Variants in HMGN5 observed in about 807,000 individuals in gnomAD.
HMGN5 encodes high mobility group nucleosome binding domain 5, also known as high mobility group nucleosome-binding domain-containing protein 5.
In HMGN5, 4 loss-of-function variants were observed where a neutral mutation model predicts 9.5. That is an observed-to-expected ratio of 0.42 (90% CI 0.21 to 0.96). The LOEUF (loss-of-function observed/expected upper bound fraction) is 0.96, where lower values mean the gene tolerates loss of function less well. Among genes scored for constraint, HMGN5 ranks in the 40% least tolerant of loss-of-function variants. HMGN5 has a pLI of 0.30. For synonymous variants in HMGN5, 55 were observed against 57.1 expected, an observed-to-expected ratio of 0.96 and a Z score of 0.16; for missense variants, 192 against 187.5, an observed-to-expected ratio of 1.02 and a Z score of -0.14.
chrX:81,163,780 G>T (rs906006138), intron 1 of HMGN5, among the ~76,000 whole-genome samples: 1 of 111,260 alleles, frequency 9.0e-6, no homozygotes, highest in South Asian at 3.7e-4. Context: ...GGGATAGGAT[G>T]GGGGAATGTG....
In HMGN5 at chrX:81,114,542, C is replaced by A; in HGVS notation, c.*107G>T. On this transcript the variant is annotated 3_prime_UTR_variant, in exon 7 of 7. Transcript: ENST00000358130. The stretch of plus-strand genomic sequence containing the variant: ...AAGATGTTCTGAAATTAAATCAATG[C>A]TAAAGAAAGGCTGTGTTTATAAAAT... 1 of 726,761 alleles carries A rather than the reference C, an allele frequency of 1.4e-6. No individual in the cohort carries two copies. Among genetic ancestry groups the A allele is most frequent in the Non-Finnish European group, 1.8e-6 (1 of 542,257 alleles). The allele number at this position is 726,761 out of a possible 1,213,427, so 59.9% of individuals were successfully genotyped here.
At chrX:81,135,326 A>G (rs975799034) in intron 1 of HMGN5, among the ~76,000 whole-genome samples, 2 of 111,776 alleles carry the variant, frequency 1.8e-5, no homozygotes, top group African/African-American at 6.5e-5. Flanking sequence ...GATATGACTC[A>G]GTAATTCCAC....
At chrX:81,197,342 T>C (rs897335841) in intron 1 of HMGN5, among the ~76,000 whole-genome samples, 1 of 112,098 alleles carries the variant, frequency 8.9e-6, no homozygotes, top group Non-Finnish European at 1.9e-5. Flanking sequence ...GTTGACATGA[T>C]AATGTTTTTC....
chrX:81,188,495 A>G (rs2075484583), intron 1 of HMGN5, among the ~76,000 whole-genome samples: 1 of 109,122 alleles, frequency 9.2e-6, no homozygotes, highest in Admixed American at 9.8e-5. Flanking sequence ...ATATATATAT[A>G]CTTTAAGTTT....
chrX:81,142,094 A>G (rs912642379), intron 1 of HMGN5, among the ~76,000 whole-genome samples: 1 of 112,147 alleles, frequency 8.9e-6, no homozygotes, highest in Non-Finnish European at 1.9e-5. Flanking sequence ...TTTTAATAGC[A>G]GAACTGATCA....
At chrX:81,145,534 C>A (rs1448612938) in intron 1 of HMGN5, among the ~76,000 whole-genome samples, 1 of 111,952 alleles carries the variant, frequency 8.9e-6, no homozygotes, top group Non-Finnish European at 1.9e-5. Flanking sequence ...CGAGTGCCAG[C>A]CACTGCAAAA....
chrX:81,198,812 T>C (rs1188506229), intron 1 of HMGN5, among the ~76,000 whole-genome samples: 1 of 111,833 alleles, frequency 8.9e-6, no homozygotes, highest in African/African-American at 3.3e-5. Flanking sequence ...CTTTGAAAAC[T>C]GGCACAAGAC....
intron 1 of HMGN5, among the ~76,000 whole-genome samples, chrX:81,182,700 A>G (rs1602581213): frequency 8.9e-6 from 1 of 112,423 alleles, no homozygotes; most frequent in East Asian, 2.8e-4. Flanking sequence ...TATATGTACC[A>G]CAATTTCTTT....
intron 1 of HMGN5, among the ~76,000 whole-genome samples, chrX:81,125,405 C>T (rs1057468045): frequency 2.7e-5 from 3 of 111,284 alleles, no homozygotes; most frequent in African/African-American, 9.8e-5. Flanking sequence ...TACATCAATA[C>T]ACTTATTTCT....
rs769419020 is a variant in HMGN5, at chrX:81,201,337, ATC to A, written c.-124+398_-124+399del. On this transcript the variant is annotated intron_variant, in intron 1 of 6. Transcript: ENST00000358130. ...CCTTAGAGCTACAAATAACCATCTG[ATC>A]TCTCTCTTCACCATTTCAACATCTG... is the stretch of plus-strand genomic sequence containing the variant. Among the ~76,000 whole-genome samples the A allele has an allele frequency of 3.8e-3, 417 of 110,728 alleles. 3 individuals carry two copies. The highest frequency in any genetic ancestry group is 0.013 in the African/African-American group (402 of 30,499).
rs1396692261 is a variant in HMGN5 at position 81,115,207 on chromosome X, A to C, written c.291T>G (p.Ile97Met). The change falls in exon 7 of 7, where the codon ATT becomes ATG. Residue 97 changes from isoleucine (I) to methionine (M), a missense_variant. Coordinates refer to ENST00000358130, the MANE Select transcript of HMGN5 (RefSeq NM_030763.3). ...ITEAPASEKE[I>M]VEVKEENIED... is the part of the protein sequence containing the mutation. ...CAATATTTTCTTCTTTTACTTCCAC[A>C]ATTTCTTTTTCAGAAGCTGGTGCCT... The C allele has an allele frequency of 6.8e-6, 8 of 1,173,305 alleles. No homozygotes were observed. Among genetic ancestry groups the C allele is most frequent in the Non-Finnish European group, 9.1e-6 (8 of 880,875 alleles).
chrX:81,145,098 TC>T (rs2075340002), intron 1 of HMGN5, among the ~76,000 whole-genome samples: 1 of 111,615 alleles, frequency 9.0e-6, no homozygotes. Context: ...CGGGAGAACT[TC>T]CCCAATCTAG....
chrX:81,123,608 T>C (rs1293897729), intron 1 of HMGN5, among the ~76,000 whole-genome samples: 2 of 112,395 alleles, frequency 1.8e-5, no homozygotes. Context: ...ATGCATCCAT[T>C]CAACAAATTC....
rs189028609 is a variant in HMGN5, at chrX:81,153,265, A to T, written c.-123-31593T>A. 4.8e-3 allele frequency among the ~76,000 whole-genome samples: 525 copies of T among 108,648 alleles called. 4 individuals are homozygous for T. Among genetic ancestry groups the T allele is most frequent in the African/African-American group, 0.017 (504 of 29,927 alleles). 94.3% of individuals were successfully genotyped at this position (108,648 alleles called of 115,157 possible). The stretch of plus-strand genomic sequence containing the variant: ...AACTGAGTTCAATAATACACTAAAA[A>T]GATCAGGCTGGGCTTGGTGGCTCAC... On this transcript the variant is annotated intron_variant, in intron 1 of 6. Coordinates refer to ENST00000358130, the MANE Select transcript of HMGN5 (RefSeq NM_030763.3).
intron 1 of HMGN5, among the ~76,000 whole-genome samples, chrX:81,157,743 G>T (rs1490121764): frequency 9.0e-6 from 1 of 110,972 alleles, no homozygotes; most frequent in Non-Finnish European, 1.9e-5. Context: ...TGAGTTTCCT[G>T]GAGTTATATA....
chrX:81,130,603 T>C (rs1289374054), intron 1 of HMGN5, among the ~76,000 whole-genome samples: 4 of 111,185 alleles, frequency 3.6e-5, no homozygotes, highest in Non-Finnish European at 7.6e-5. Context: ...AAATAGAGAA[T>C]TAATTATGCT....
intron 1 of HMGN5, among the ~76,000 whole-genome samples, chrX:81,165,741 T>C (rs903682391): frequency 8.9e-6 from 1 of 111,776 alleles, no homozygotes; most frequent in Non-Finnish European, 1.9e-5. Flanking sequence ...TATGTTTGAA[T>C]GACTTAAGTA....
chrX:81,174,486 T>C (rs1475403666), intron 1 of HMGN5, among the ~76,000 whole-genome samples: 2 of 111,649 alleles, frequency 1.8e-5, no homozygotes, highest in Non-Finnish European at 3.8e-5. Context: ...GCAACTACTA[T>C]ACTAGGCATT....
chrX:81,133,605 G>T (rs2075303615), intron 1 of HMGN5, among the ~76,000 whole-genome samples: 1 of 111,207 alleles, frequency 9.0e-6, no homozygotes. Context: ...ACTAACCCAG[G>T]AACAGAAAAC....
Sources: gnomAD v4.1 joint callset for allele counts (sites outside exome capture counted in the v4.1 genomes callset) on GRCh38, gnomAD v4.1.1 for gene constraint, MANE v1.5 for transcripts, NCBI Gene and HGNC (gene_info 2026-07-23, HGNC 2026-07-21) for gene names.